Variants in SLC25A26 observed in about 807,000 individuals in gnomAD.
The protein encoded by SLC25A26 is mitochondrial S-adenosylmethionine carrier protein.
SLC25A26 carries 36 observed loss-of-function variants against 37.8 expected under a neutral mutation model. The observed-to-expected ratio is 0.95, with a 90% CI of 0.73 to 1.26. The LOEUF (loss-of-function observed/expected upper bound fraction) is 1.26, where lower values mean the gene tolerates loss of function less well. Ranked by LOEUF, SLC25A26 falls within the 50% of genes most tolerant of loss-of-function variation. SLC25A26 has a pLI of 0.00. For synonymous variants in SLC25A26, 129 were observed against 122.5 expected (o/e 1.05, Z -0.35); for missense variants, 390 against 331.1 (o/e 1.18, Z -1.38).
At chr3:66,362,744 A>G (rs549450296) in intron 6 of SLC25A26, 116 bp from the exon 7 acceptor site, 8 of 596,210 alleles carry the variant, frequency 1.3e-5, no homozygotes, top group African/African-American at 7.7e-5. Flanking sequence ...TCATCAGTAA[A>G]GAATGCCACC....
intron 1 of SLC25A26, among the ~76,000 whole-genome samples, chr3:66,226,330 A>G (rs782050232): frequency 2.6e-5 from 4 of 152,180 alleles, no homozygotes; most frequent in Admixed American, 1.3e-4. Context: ...CTTATTCACT[A>G]TCACCAGAAC....
intron 1 of SLC25A26, among the ~76,000 whole-genome samples, chr3:66,180,713 C>A (rs1408563193): frequency 6.8e-6 from 1 of 146,200 alleles, no homozygotes; most frequent in African/African-American, 2.5e-5. Context: ...TCACTGGGGG[C>A]GGGGTGGGGG....
At chr3:66,287,337 C>G (rs1285710617) in intron 5 of SLC25A26, among the ~76,000 whole-genome samples, 1 of 150,302 alleles carries the variant, frequency 6.7e-6, no homozygotes, top group Non-Finnish European at 1.5e-5. Context: ...TCTGTCTTTT[C>G]TCTCCTAAAA....
intron 1 of SLC25A26, among the ~76,000 whole-genome samples, chr3:66,209,413 GTA>G (rs1309890987): frequency 7.3e-6 from 1 of 136,066 alleles, no homozygotes; most frequent in Non-Finnish European, 1.5e-5. Context: ...ATGTGTATAT[GTA>G]TATATATCTA....
At chr3:66,227,464 A>G (rs149882070) in intron 1 of SLC25A26, among the ~76,000 whole-genome samples, 84 of 152,308 alleles carry the variant, frequency 5.5e-4, no homozygotes, top group African/African-American at 1.9e-3. Flanking sequence ...AAACTGAGTA[A>G]TAGGCAGTGA....
At chr3:66,329,664 A>C (rs1353775711) in intron 5 of SLC25A26, among the ~76,000 whole-genome samples, 1 of 152,212 alleles carries the variant, frequency 6.6e-6, no homozygotes, top group Admixed American at 6.5e-5. Flanking sequence ...GCACTAACAG[A>C]CACGAAAAGA....
chr3:66,295,550 C>T lies in SLC25A26; in HGVS notation c.453+32171C>T, dbSNP rs539492170. ...CTGAGTAGCTGGGACTACAGGTGCC[C>T]ACCACCAAGCCCAGCTAATTTTTTG... is the stretch of plus-strand genomic sequence containing the variant. On this transcript the variant is annotated intron_variant, in intron 5 of 9. Coordinates refer to ENST00000354883, the MANE Select transcript of SLC25A26 (RefSeq NM_001379210.1). Among the ~76,000 whole-genome samples the T allele has an allele frequency of 1.1e-3, 160 of 152,018 alleles. 5 individuals carry two copies. Among genetic ancestry groups the T allele is most frequent in the Non-Finnish European group, 7.9e-4 (54 of 67,958 alleles).
chr3:66,373,824 CTCT>C (rs988646935), intron 9 of SLC25A26, among the ~76,000 whole-genome samples: 5 of 152,214 alleles, frequency 3.3e-5, no homozygotes, highest in South Asian at 2.1e-4. Flanking sequence ...GCCCACAAAA[CTCT>C]TCTTAAGTGT....
intron 1 of SLC25A26, among the ~76,000 whole-genome samples, chr3:66,150,618 A>G (rs2070191293): frequency 2.2e-5 from 1 of 46,224 alleles, no homozygotes; most frequent in South Asian, 7.1e-4. Flanking sequence ...ATATATATAT[A>G]TATATATATA....
At chr3:66,175,310 C>T (rs181532882) in intron 1 of SLC25A26, among the ~76,000 whole-genome samples, 127 of 151,914 alleles carry the variant, frequency 8.4e-4, no homozygotes, top group East Asian at 4.7e-3. Context: ...TTGAAACCTC[C>T]ATCTCCCAGG....
At chr3:66,152,226 C>A (rs1481079389) in intron 1 of SLC25A26, among the ~76,000 whole-genome samples, 3 of 152,154 alleles carry the variant, frequency 2.0e-5, no homozygotes, top group African/African-American at 7.2e-5. Flanking sequence ...TCATTTTAAA[C>A]TGCTACCATG....
intron 3 of SLC25A26, among the ~76,000 whole-genome samples, chr3:66,259,245 T>C (rs1047917348): frequency 1.3e-5 from 2 of 152,178 alleles, no homozygotes; most frequent in African/African-American, 4.8e-5. Flanking sequence ...GTTCCCAGGG[T>C]TCCATTATTG....
At chr3:66,182,716 CGGG>C (rs539207365) in intron 1 of SLC25A26, among the ~76,000 whole-genome samples, 1,593 of 87,610 alleles carry the variant, frequency 0.018, 78 homozygotes, top group African/African-American at 0.064. Context: ...CAGTGGGCGG[CGGG>C]GGGGGGGGGT....
intron 5 of SLC25A26, among the ~76,000 whole-genome samples, chr3:66,274,867 G>C: frequency 6.6e-6 from 1 of 152,084 alleles, no homozygotes; most frequent in Non-Finnish European, 1.5e-5. Flanking sequence ...TCTAGAACTA[G>C]AAATACCATT....
Position 66,155,668 on chromosome 3 carries a change from G to T in SLC25A26, c.-354+21684G>T, listed in dbSNP as rs2070271697. On this transcript the variant is annotated intron_variant, in intron 1 of 10. Coordinates refer to the SLC25A26 transcript ENST00000676754. ...CCAACCAAACTAATGTGAATTGAAA[G>T]AAATAGCCAAGTCTGGAAGTATGTC... 2.0e-5 allele frequency among the ~76,000 whole-genome samples: 3 copies of T among 152,222 alleles called. No homozygotes were observed. The South Asian group carries it at 6.2e-4, about 31-fold the overall frequency.
chr3:66,217,339 T>C (rs2071376659), upstream of SLC25A26, among the ~76,000 whole-genome samples: 2 of 152,318 alleles, frequency 1.3e-5, no homozygotes, highest in South Asian at 4.1e-4. Context: ...TAGTAGTATG[T>C]ATCACAAAGT....
intron 1 of SLC25A26, among the ~76,000 whole-genome samples, chr3:66,196,673 T>C: frequency 6.6e-6 from 1 of 150,980 alleles, no homozygotes; most frequent in Non-Finnish European, 1.5e-5. Flanking sequence ...TATATCAAAT[T>C]AAATTATTAT....
At chr3:66,336,260 G>A (rs1041965361) in intron 5 of SLC25A26, among the ~76,000 whole-genome samples, 1 of 152,138 alleles carries the variant, frequency 6.6e-6, no homozygotes, top group African/African-American at 2.4e-5. Flanking sequence ...AGAATAATAA[G>A]TAAAATAAAA....
At chr3:66,339,942 G>A (rs1362193659) in intron 5 of SLC25A26, among the ~76,000 whole-genome samples, 1 of 152,012 alleles carries the variant, frequency 6.6e-6, no homozygotes, top group Non-Finnish European at 1.5e-5. Flanking sequence ...CAAATCTAAT[G>A]TTATGAAGAT....
Sources: allele counts gnomAD v4.1 joint callset (sites outside exome capture counted in the v4.1 genomes callset), GRCh38; gene constraint gnomAD v4.1.1; transcripts MANE v1.5; gene names NCBI Gene and HGNC (gene_info 2026-07-23, HGNC 2026-07-21).